WRN: variants seen among roughly 807,000 people sequenced by gnomAD.
The protein encoded by WRN is bifunctional 3'-5' exonuclease/ATP-dependent helicase WRN.
A neutral mutation model predicts 180.7 loss-of-function variants in WRN; 149 were observed. The observed-to-expected ratio is 0.82, with a 90% confidence interval of 0.72 to 0.94. WRN has a LOEUF of 0.94. Among genes scored for constraint, WRN ranks in the 40% least tolerant of loss-of-function variants. WRN has a pLI of 0.00. For synonymous variants in WRN, 548 were observed against 568.9 expected, an observed-to-expected ratio of 0.96 and a Z score of 0.52; for missense variants, 1,661 against 1,700.1, an observed-to-expected ratio of 0.98 and a Z score of 0.40.
chr8:31,050,232 T>G (rs1370770056), intron 1 of WRN, among the ~76,000 whole-genome samples: 2 of 152,202 alleles, frequency 1.3e-5, no homozygotes, highest in Middle Eastern at 3.4e-3. Flanking sequence ...GAAATAAGAT[T>G]GTTAGGTTAG....
intron 11 of WRN, 118 bp from the exon 12 acceptor site, chr8:31,087,658 A>T (rs937546295): frequency 1.0e-6 from 1 of 982,104 alleles, no homozygotes; most frequent in Non-Finnish European, 1.6e-6. Context: ...TATGGCTTGC[A>T]CATCTGCCAG....
At chr8:31,055,909 A>G (rs1372906831) in intron 1 of WRN, among the ~76,000 whole-genome samples, 1 of 152,208 alleles carries the variant, frequency 6.6e-6, no homozygotes, top group African/African-American at 2.4e-5. Flanking sequence ...GGATTTCCCT[A>G]TTGCAAATTA....
chr8:31,157,674 AAAC>A (rs1803442305), intron 33 of WRN, 144 bp downstream of exon 33: 1 of 1,290,166 alleles, frequency 7.8e-7, no homozygotes, highest in African/African-American at 1.5e-5. Flanking sequence ...TGTTTTAGGA[AAAC>A]AATCTTTCTT....
Position 31,040,954 on chromosome 8 carries a change from G to A in WRN, c.-77+6981G>A, listed in dbSNP as rs537445663. On this transcript the variant is annotated intron_variant, in intron 1 of 34. Transcript: ENST00000298139. ...AAAATGTCTTTGAGTAGATGTCTTCGAGAAAATGTCTTTGAGTAGATGAGA... is the reference window on the plus strand; with the variant it reads ...AAAATGTCTTTGAGTAGATGTCTTCAAGAAAATGTCTTTGAGTAGATGAGA... Among the ~76,000 whole-genome samples the A allele has an allele frequency of 9.2e-5, 14 of 152,212 alleles. No individual in the cohort carries two copies. The South Asian group carries it at 1.0e-3, about 11-fold the overall frequency.
intron 3 of WRN, among the ~76,000 whole-genome samples, chr8:31,060,590 A>G (rs1812452122): frequency 6.6e-6 from 1 of 152,192 alleles, no homozygotes; most frequent in Admixed American, 6.5e-5. Context: ...CTATTTATTA[A>G]TGGTCTTCTA....
intron 1 of WRN, among the ~76,000 whole-genome samples, chr8:31,056,586 A>G (rs1812284291): frequency 6.6e-6 from 1 of 152,138 alleles, no homozygotes. Context: ...TCTTTTTTTG[A>G]GTCCCAAACC....
In WRN at chr8:31,064,389, G is replaced by C. The variant is rs1185203276; in HGVS notation, c.310G>C (p.Val104Leu). 2 of 1,613,978 alleles carry C rather than the reference G, an allele frequency of 1.2e-6. No homozygotes were observed. The highest frequency in any genetic ancestry group is 3.3e-5 in the Admixed American group (2 of 59,994). Reference sequence around the variant, plus strand: ...CAAAGTTGCACTAATTCAGTTGTGTGTTTCTGAGAGCAAATGTTACTTGTT... The same window carrying C: ...CAAAGTTGCACTAATTCAGTTGTGTCTTTCTGAGAGCAAATGTTACTTGTT... ...LGKVALIQLC[V>L]SESKCYLFHV... Residue 104 changes from valine (V) to leucine (L), a missense_variant, in exon 4 of 35, where the codon GTT becomes CTT. Val to Leu is a conservative substitution (Grantham distance 32, BLOSUM62 1). This residue lies in a region of WRN where 500 missense variants were observed against 504.1 expected (regional missense o/e 0.99). Transcript: ENST00000298139.
intron 34 of WRN, among the ~76,000 whole-genome samples, chr8:31,172,079 G>A (rs570780158): frequency 6.6e-6 from 1 of 152,142 alleles, no homozygotes; most frequent in South Asian, 2.1e-4. Flanking sequence ...GAAACACTTA[G>A]CTACTTAAAT....
chr8:31,119,914 A>G (rs889120058), intron 20 of WRN: 3 of 302,032 alleles, frequency 9.9e-6, no homozygotes, highest in Non-Finnish European at 1.9e-5. Context: ...TCAGGTAAGG[A>G]CGCTTGAAAC....
At chr8:31,104,610 G>A (rs1463647117) in intron 18 of WRN, among the ~76,000 whole-genome samples, 1 of 152,086 alleles carries the variant, frequency 6.6e-6, no homozygotes, top group Non-Finnish European at 1.5e-5. Flanking sequence ...TTCTCCTGTG[G>A]TTCTTTCCTA....
intron 34 of WRN, among the ~76,000 whole-genome samples, chr8:31,169,957 C>G (rs1353018523): frequency 6.6e-6 from 1 of 152,116 alleles, no homozygotes; most frequent in African/African-American, 2.4e-5. Context: ...AAAGCCCTCC[C>G]ATTTTCAGAT....
At chr8:31,087,667 A>T in intron 11 of WRN, 109 bp from the exon 12 acceptor site, 2 of 1,133,646 alleles carry the variant, frequency 1.8e-6, no homozygotes, top group South Asian at 2.5e-5. Flanking sequence ...CACATCTGCC[A>T]GCTTTCGACA....
intron 13 of WRN, 90 bp downstream of exon 13, chr8:31,089,055 C>G (rs1813645846): frequency 1.9e-6 from 2 of 1,076,700 alleles, no homozygotes; most frequent in Non-Finnish European, 2.8e-6. Context: ...TTAACAGCAA[C>G]AGCACAACTT....
rs1812610778 is a variant in WRN, at chr8:31,064,327, T to C, written c.248T>C (p.Met83Thr). The change falls in exon 4 of 35, where the codon ATG becomes ACG. Residue 83 changes from methionine to threonine, a missense_variant. By Grantham distance (81) the Met-to-Thr change is moderately conservative. This residue lies in a region of WRN where 500 missense variants were observed against 504.1 expected (regional missense o/e 0.99). Coordinates refer to ENST00000298139, the MANE Select transcript of WRN (RefSeq NM_000553.6). Reference sequence around the variant, plus strand: ...GATGGGGATGTGGTGGGATTTGACATGGAGTGGCCACCATTATACAATAGA... The same window carrying C: ...GATGGGGATGTGGTGGGATTTGACACGGAGTGGCCACCATTATACAATAGA... ...LSDGDVVGFD[M>T]EWPPLYNRGK... 1 of 1,614,126 alleles carries C rather than the reference T, an allele frequency of 6.2e-7. No homozygotes were observed.
At chr8:31,066,942 A>G in intron 5 of WRN, 91 bp from the exon 6 acceptor site, 2 of 1,517,154 alleles carry the variant, frequency 1.3e-6, no homozygotes, top group African/African-American at 1.4e-5. Context: ...AACATTTCCT[A>G]ATTTTATTTG....
At position 31,111,728 on chromosome 8, in the gene WRN, C is replaced by T; in HGVS notation, c.2202C>T (p.Asn734=). 2 of 1,614,066 alleles carry T rather than the reference C, an allele frequency of 1.2e-6. No individual in the cohort carries two copies. Among genetic ancestry groups the T allele is most frequent in the Non-Finnish European group, 1.7e-6 (2 of 1,179,990 alleles). ...CCTGTACTGGTTTTGATCGACCAAA[C>T]CTGTATTTAGAAGTTAGGCGAAAAA... ...QITCTGFDRP[N]LYLEVRRKTG... The change falls in exon 19 of 35, where the codon AAC becomes AAT. Residue 734 remains asparagine (N), a synonymous_variant. Coordinates refer to ENST00000298139, the MANE Select transcript of WRN (RefSeq NM_000553.6).
intron 9 of WRN, among the ~76,000 whole-genome samples, chr8:31,081,594 A>G (rs556302894): frequency 2.0e-5 from 3 of 152,352 alleles, no homozygotes; most frequent in East Asian, 1.9e-4. Flanking sequence ...GAAAGATTTT[A>G]TAGTATCAAC....
At chr8:31,143,668 A>G in intron 28 of WRN, 45 bp downstream of exon 28, 1 of 1,385,332 alleles carries the variant, frequency 7.2e-7, no homozygotes, top group South Asian at 1.2e-5. Flanking sequence ...CTTTATGAGT[A>G]CTTTTTTTTC....
intron 1 of WRN, among the ~76,000 whole-genome samples, chr8:31,051,434 C>G (rs1812073722): frequency 6.6e-6 from 1 of 152,092 alleles, no homozygotes; most frequent in Non-Finnish European, 1.5e-5. Flanking sequence ...TGTAATTGGT[C>G]TTAATTTTTC....
Sources: gnomAD v4.1 joint callset for allele counts (sites outside exome capture counted in the v4.1 genomes callset) on GRCh38, gnomAD v4.1.1 for gene constraint, gnomAD v4.1.1 regional missense constraint, MANE v1.5 for transcripts, NCBI Gene and HGNC (gene_info 2026-07-23, HGNC 2026-07-21) for gene names.